The following DCLK1 variants were observed in gnomAD, a reference collection of about 807,000 sequenced individuals.
The protein encoded by DCLK1 is doublecortin like kinase 1.
Under a neutral mutation model 86.2 loss-of-function variants are expected in DCLK1, and 16 were observed. That is an observed-to-expected ratio of 0.19 (90% CI 0.13 to 0.28). The LOEUF (loss-of-function observed/expected upper bound fraction) is 0.28, where lower values mean the gene tolerates loss of function less well. Ranked by LOEUF, DCLK1 falls within the 10% of genes least tolerant of loss-of-function variation. DCLK1 has a pLI of 1.00. For synonymous variants in DCLK1, 369 were observed against 370.5 expected, an observed-to-expected ratio of 1.00 and a Z score of 0.05; for missense variants, 590 against 940.2, an observed-to-expected ratio of 0.63 and a Z score of 4.87.
At chr13:36,016,615 G>C (rs537638961) in intron 3 of DCLK1, among the ~76,000 whole-genome samples, 1 of 152,176 alleles carries the variant, frequency 6.6e-6, no homozygotes, top group East Asian at 1.9e-4. Flanking sequence ...ATACAATAAG[G>C]ACATGACCCC....
intron 15 of DCLK1, among the ~76,000 whole-genome samples, chr13:35,796,979 AAC>A (rs1407159591): frequency 6.6e-6 from 1 of 152,182 alleles, no homozygotes; most frequent in African/African-American, 2.4e-5. Flanking sequence ...GACCCAGTGG[AAC>A]ACAGTTAGAA....
intron 3 of DCLK1, among the ~76,000 whole-genome samples, chr13:36,024,481 A>C (rs1329317190): frequency 6.6e-6 from 1 of 152,212 alleles, no homozygotes; most frequent in Non-Finnish European, 1.5e-5. Context: ...TTCCATTCAC[A>C]ATAGCATCAA....
intron 3 of DCLK1, among the ~76,000 whole-genome samples, chr13:36,007,585 C>T (rs1186970368): frequency 6.6e-6 from 1 of 152,162 alleles, no homozygotes; most frequent in Non-Finnish European, 1.5e-5. Flanking sequence ...GGCAGATGAA[C>T]TACACTAAGG....
intron 11 of DCLK1, among the ~76,000 whole-genome samples, chr13:35,821,991 A>C (rs1412946001): frequency 2.0e-5 from 3 of 152,064 alleles, no homozygotes; most frequent in African/African-American, 7.2e-5. Flanking sequence ...TTTTTATGCT[A>C]AGGGGCTAGA....
chr13:36,068,542 C>A (rs747844247), intron 3 of DCLK1, among the ~76,000 whole-genome samples: 3 of 147,998 alleles, frequency 2.0e-5, no homozygotes, highest in Non-Finnish European at 4.5e-5. Flanking sequence ...TTTTCTTTGG[C>A]TGAATCTTGA....
intron 4 of DCLK1, among the ~76,000 whole-genome samples, chr13:35,922,062 C>G (rs1048905887): frequency 6.6e-6 from 1 of 152,180 alleles, no homozygotes; most frequent in African/African-American, 2.4e-5. Context: ...AGGCTAGAAA[C>G]CCTGTCCTGA....
intron 4 of DCLK1, among the ~76,000 whole-genome samples, chr13:35,912,581 C>T (rs1037113417): frequency 1.3e-5 from 2 of 152,108 alleles, no homozygotes; most frequent in African/African-American, 2.4e-5. Context: ...GGGAAGATTA[C>T]CTGCCCAACC....
intron 15 of DCLK1, among the ~76,000 whole-genome samples, chr13:35,795,746 C>A (rs1197112729): frequency 6.6e-6 from 1 of 151,958 alleles, no homozygotes; most frequent in African/African-American, 2.4e-5. Context: ...CATGGAGAAA[C>A]CCTGACTCTA....
chr13:36,039,653 C>A (rs1882632742), intron 3 of DCLK1, among the ~76,000 whole-genome samples: 1 of 151,332 alleles, frequency 6.6e-6, no homozygotes, highest in Non-Finnish European at 1.5e-5. Context: ...CACACACATA[C>A]AAATACACTG....
chr13:35,964,466 T>C (rs749114629), intron 3 of DCLK1, among the ~76,000 whole-genome samples: 44 of 152,346 alleles, frequency 2.9e-4, no homozygotes, highest in Middle Eastern at 3.4e-3. Context: ...CCTTTCCTAC[T>C]TGGCAGGCTC....
At chr13:35,782,130 C>T (rs1174317995) in intron 16 of DCLK1, among the ~76,000 whole-genome samples, 2 of 152,116 alleles carry the variant, frequency 1.3e-5, no homozygotes, top group African/African-American at 2.4e-5. Flanking sequence ...AAATATTATT[C>T]CCCATTTTCC....
intron 7 of DCLK1, among the ~76,000 whole-genome samples, chr13:35,837,104 A>G (rs539717713): frequency 5.9e-5 from 9 of 152,296 alleles, no homozygotes; most frequent in Non-Finnish European, 1.0e-4. Context: ...GAGACTAAAC[A>G]TCTCTCCTCA....
intron 3 of DCLK1, among the ~76,000 whole-genome samples, chr13:36,022,011 T>C (rs937254158): frequency 8.5e-5 from 13 of 152,090 alleles, no homozygotes; most frequent in Middle Eastern, 3.4e-3. Flanking sequence ...CATAAAATGA[T>C]AGACCATGTA....
At chr13:35,846,469 T>C in intron 6 of DCLK1, 1 of 985,356 alleles carries the variant, frequency 1.0e-6, no homozygotes, top group Non-Finnish European at 1.2e-6. Context: ...ATTTATACTA[T>C]CTTGGAATTT....
intron 8 of DCLK1, among the ~76,000 whole-genome samples, chr13:35,834,338 G>A (rs1183133833): frequency 2.6e-5 from 4 of 152,156 alleles, no homozygotes; most frequent in South Asian, 2.1e-4. Flanking sequence ...CAAAGGGAAC[G>A]TGTGTGATTT....
intron 4 of DCLK1, among the ~76,000 whole-genome samples, chr13:35,931,679 T>A (rs984109134): frequency 2.6e-5 from 4 of 152,176 alleles, no homozygotes; most frequent in Non-Finnish European, 5.9e-5. Flanking sequence ...TGGGGTAGTC[T>A]TAAAAGAAAC....
At chr13:35,845,805 C>T (rs892106576) in intron 6 of DCLK1, 41 of 479,572 alleles carry the variant, frequency 8.5e-5, no homozygotes, top group East Asian at 1.5e-4. Flanking sequence ...ATGCCATACA[C>T]GTGATTGTGA....
intron 3 of DCLK1, among the ~76,000 whole-genome samples, chr13:36,088,226 A>T (rs1884686660): frequency 1.3e-5 from 2 of 152,196 alleles, no homozygotes; most frequent in South Asian, 4.1e-4. Context: ...TGTGTTTCAG[A>T]TGAGGTGTGG....
At chr13:35,881,803 C>T (rs1422614516) in intron 4 of DCLK1, among the ~76,000 whole-genome samples, 1 of 152,140 alleles carries the variant, frequency 6.6e-6, no homozygotes, top group African/African-American at 2.4e-5. Context: ...AGTTGAGGGG[C>T]ATGTCGTGTG....
Sources: allele counts gnomAD v4.1 joint callset (sites outside exome capture counted in the v4.1 genomes callset), GRCh38; gene constraint gnomAD v4.1.1; transcripts MANE v1.5; gene names NCBI Gene and HGNC (gene_info 2026-07-23, HGNC 2026-07-21).